Variants in SCAF8 observed in about 807,000 individuals in gnomAD.
The protein encoded by SCAF8 is SR-related CTD associated factor 8, also known as SR-related and CTD-associated factor 8.
SCAF8 carries 23 observed loss-of-function variants against 140.5 expected under a neutral mutation model. The observed-to-expected ratio is 0.16, with a 90% CI of 0.12 to 0.23. SCAF8 has a LOEUF of 0.23. Ranked by LOEUF, SCAF8 falls within the 10% of genes least tolerant of loss-of-function variation. SCAF8 has a pLI of 1.00. For missense variants in SCAF8, 1,397 were observed against 1,555.7 expected, an observed-to-expected ratio of 0.90 and a Z score of 1.72; for synonymous variants, 575 against 528.9, an observed-to-expected ratio of 1.09 and a Z score of -1.20.
intron 12 of SCAF8, 77 bp downstream of exon 12, chr6:154,810,285 C>A: frequency 1.9e-6 from 2 of 1,077,046 alleles, no homozygotes; most frequent in Middle Eastern, 3.0e-4. Flanking sequence ...AGTCTCTCAG[C>A]CAAATTTTAT....
At chr6:154,767,530 T>A (rs1167130163) in intron 1 of SCAF8, among the ~76,000 whole-genome samples, 1 of 1,598 alleles carries the variant, frequency 6.3e-4, no homozygotes, top group African/African-American at 1.4e-3. Flanking sequence ...TTCTGTTATC[T>A]TTTTTTTTTT....
intron 1 of SCAF8, among the ~76,000 whole-genome samples, chr6:154,736,243 C>A (rs1441803554): frequency 6.6e-6 from 1 of 151,244 alleles, no homozygotes; most frequent in Admixed American, 6.6e-5. Flanking sequence ...TGTGGTCCTC[C>A]CCCTCAAAGG....
chr6:154,831,703 TAAAAAAAAAAAAAAAA>T (rs58013583), intron 19 of SCAF8, among the ~76,000 whole-genome samples: 56 of 48,094 alleles, frequency 1.2e-3, no homozygotes, highest in Middle Eastern at 0.016. Context: ...CTCCTGTTCT[TAAAAAAAAAAAAAAAA>T]AAAAAAAAAA....
intron 2 of SCAF8, among the ~76,000 whole-genome samples, chr6:154,776,879 G>A (rs1056676816): frequency 1.3e-5 from 2 of 152,202 alleles, no homozygotes; most frequent in South Asian, 2.1e-4. Flanking sequence ...CATAATTCAC[G>A]AGAAGAAAAG....
At chr6:154,806,394 G>A (rs1777915246) in intron 9 of SCAF8, among the ~76,000 whole-genome samples, 1 of 152,046 alleles carries the variant, frequency 6.6e-6, no homozygotes, top group Non-Finnish European at 1.5e-5. Context: ...TATTAAAAAA[G>A]TTTTGGCATT....
intron 12 of SCAF8, among the ~76,000 whole-genome samples, chr6:154,814,674 A>G (rs1471985369): frequency 6.6e-6 from 1 of 152,222 alleles, no homozygotes; most frequent in Non-Finnish European, 1.5e-5. Flanking sequence ...ACATAAATCC[A>G]AATATAACAT....
intron 4 of SCAF8, among the ~76,000 whole-genome samples, chr6:154,789,541 C>T (rs1777351242): frequency 6.7e-6 from 1 of 149,436 alleles, no homozygotes. Flanking sequence ...AAGAATGCTT[C>T]TAATTTTTTT....
intron 12 of SCAF8, among the ~76,000 whole-genome samples, chr6:154,811,621 T>C (rs768994754): frequency 6.6e-6 from 1 of 152,090 alleles, no homozygotes; most frequent in African/African-American, 2.4e-5. Context: ...ATGTACTATG[T>C]TGGTTTGCTG....
intron 3 of SCAF8, among the ~76,000 whole-genome samples, chr6:154,784,102 T>C (rs1171654498): frequency 7.1e-6 from 1 of 141,086 alleles, no homozygotes; most frequent in East Asian, 2.1e-4. Flanking sequence ...TTATATTTAC[T>C]TATCTCTGGT....
intron 17 of SCAF8, among the ~76,000 whole-genome samples, chr6:154,826,304 ATTAAC>A (rs1427348548): frequency 2.0e-5 from 3 of 152,222 alleles, no homozygotes; most frequent in South Asian, 2.1e-4. Flanking sequence ...ATTGTTCCTT[ATTAAC>A]TTGTTGAAAA....
At chr6:154,764,515 G>A (rs1404426537) in intron 1 of SCAF8, among the ~76,000 whole-genome samples, 1 of 152,194 alleles carries the variant, frequency 6.6e-6, no homozygotes, top group Non-Finnish European at 1.5e-5. Context: ...CATTTAGGAA[G>A]TTCAGAGAGA....
intron 1 of SCAF8, among the ~76,000 whole-genome samples, chr6:154,756,794 A>G (rs1778977032): frequency 6.6e-6 from 1 of 152,156 alleles, no homozygotes; most frequent in African/African-American, 2.4e-5. Flanking sequence ...TGGGAAGCGG[A>G]GGAGGGCGGA....
chr6:154,742,179 A>G (rs987914720), intron 1 of SCAF8, among the ~76,000 whole-genome samples: 4 of 152,182 alleles, frequency 2.6e-5, no homozygotes, highest in Non-Finnish European at 5.9e-5. Flanking sequence ...CGTCTAGGGA[A>G]TAAGTTGAAT....
At chr6:154,741,995 A>G in intron 1 of SCAF8, 1 of 1,533,664 alleles carries the variant, frequency 6.5e-7, no homozygotes, top group Non-Finnish European at 8.7e-7. Context: ...CTGCTTTTCC[A>G]GCAGCATGGA....
chr6:154,775,752 A>T (rs1006828823), intron 2 of SCAF8, among the ~76,000 whole-genome samples: 6 of 151,756 alleles, frequency 4.0e-5, no homozygotes, highest in Admixed American at 6.6e-5. Flanking sequence ...AAGTTTTTTT[A>T]AAAAAAGAAG....
chr6:154,753,112 T>C (rs1476068380), intron 1 of SCAF8, among the ~76,000 whole-genome samples: 1 of 152,022 alleles, frequency 6.6e-6, no homozygotes, highest in Non-Finnish European at 1.5e-5. Flanking sequence ...GCAGATCACC[T>C]GAGGTCAGGA....
At position 154,815,664 on chromosome 6, in the gene SCAF8, G is replaced by C; in HGVS notation, c.1421-52G>C. ...GCTTTTTCCTCAATTACTTTTCAAAGAAGTAACTATGTCTAAATGATTTAG... is the reference window on the plus strand; with the variant it reads ...GCTTTTTCCTCAATTACTTTTCAAACAAGTAACTATGTCTAAATGATTTAG... On this transcript the variant is annotated intron_variant, in intron 12 of 19. Transcript: ENST00000367178. 3 of 968,702 alleles carry C rather than the reference G, an allele frequency of 3.1e-6. No homozygotes were observed. In the South Asian group the frequency reaches 4.4e-5, roughly 14 times the overall value. 60.0% of individuals were successfully genotyped at this position (968,702 alleles called of 1,614,324 possible). A position where few individuals can be genotyped will look rare whatever the true frequency, so the allele number is the denominator to read the frequency against.
chr6:154,736,437 G>T (rs1370884472), intron 1 of SCAF8, among the ~76,000 whole-genome samples: 1 of 151,604 alleles, frequency 6.6e-6, no homozygotes, highest in African/African-American at 2.4e-5. Flanking sequence ...TGCCCAGCTA[G>T]TTTTTTGTAT....
intron 4 of SCAF8, among the ~76,000 whole-genome samples, chr6:154,788,466 A>G (rs1375842687): frequency 6.6e-6 from 1 of 152,234 alleles, no homozygotes; most frequent in Non-Finnish European, 1.5e-5. Flanking sequence ...TCAAATTTGA[A>G]TATTTAATTA....
Sources: gnomAD v4.1 joint callset for allele counts (sites outside exome capture counted in the v4.1 genomes callset) on GRCh38, gnomAD v4.1.1 for gene constraint, MANE v1.5 for transcripts, NCBI Gene and HGNC (gene_info 2026-07-23, HGNC 2026-07-21) for gene names.